ACTR3C: variants seen among roughly 807,000 people sequenced by gnomAD.
The protein encoded by ACTR3C is actin-related protein 3C.
A neutral mutation model predicts 26.3 loss-of-function variants in ACTR3C; 18 were observed. The ratio of observed to expected loss-of-function variants is 0.68; its 90% confidence interval spans 0.47 to 1.01. ACTR3C has a LOEUF of 1.01. Ranked by LOEUF, ACTR3C falls within the 50% of genes least tolerant of loss-of-function variation. The probability of loss-of-function intolerance (pLI) is 0.00; values close to 1 mark genes in which losing one functional copy is unlikely to be tolerated. For missense variants in ACTR3C, 184 were observed against 250.7 expected, an observed-to-expected ratio of 0.73 and a Z score of 1.80; for synonymous variants, 55 against 94.5, an observed-to-expected ratio of 0.58 and a Z score of 2.42.
chr7:150,063,903 G>A, the ACTR3C span, among the ~76,000 whole-genome samples: 6 of 151,980 alleles, frequency 3.9e-5, no homozygotes, highest in Non-Finnish European at 7.4e-5. Flanking sequence ...CTTCCTATAC[G>A]CAGTTGTTTT....
At chr7:150,291,021 C>T (rs1459529240) in intron 3 of ACTR3C, among the ~76,000 whole-genome samples, 1 of 152,076 alleles carries the variant, frequency 6.6e-6, no homozygotes. Flanking sequence ...AATTAATACG[C>T]AAAATATAAC....
At chr7:149,917,981 C>T in the ACTR3C span, among the ~76,000 whole-genome samples, 5 of 152,084 alleles carry the variant, frequency 3.3e-5, no homozygotes, top group East Asian at 1.9e-4. Context: ...TTTAAAGCAA[C>T]GCACAATCTC....
the ACTR3C span, chr7:149,891,545 G>T: frequency 4.4e-6 from 1 of 227,338 alleles, no homozygotes; most frequent in Non-Finnish European, 8.8e-6. Flanking sequence ...ACGGAGGCAG[G>T]CCAGGCACAG....
At chr7:149,979,451 C>A in the ACTR3C span, among the ~76,000 whole-genome samples, 1 of 152,112 alleles carries the variant, frequency 6.6e-6, no homozygotes, top group African/African-American at 2.4e-5. Flanking sequence ...AGGTACTGAG[C>A]ACATCAATAT....
the ACTR3C span, among the ~76,000 whole-genome samples, chr7:149,990,343 A>G: frequency 2.2e-5 from 3 of 133,354 alleles, no homozygotes; most frequent in African/African-American, 8.7e-5. Context: ...TTACCTCCAC[A>G]AGAACACAGC....
chr7:150,299,362 G>A (rs1435106754), intron 1 of ACTR3C, among the ~76,000 whole-genome samples: 2 of 145,266 alleles, frequency 1.4e-5, no homozygotes, highest in Admixed American at 7.1e-5. Flanking sequence ...GAGGCAGGAG[G>A]ATCACTCCAG....
intron 6 of ACTR3C, among the ~76,000 whole-genome samples, chr7:150,263,586 G>A (rs1212997674): frequency 6.6e-6 from 1 of 151,922 alleles, no homozygotes; most frequent in Non-Finnish European, 1.5e-5. Context: ...ACTATGAAAG[G>A]GAATTGTCTA....
chr7:150,156,283 G>A, the ACTR3C span, among the ~76,000 whole-genome samples: 1 of 152,036 alleles, frequency 6.6e-6, no homozygotes, highest in African/African-American at 2.4e-5. Context: ...TAAAGCATAG[G>A]CTGGCCATGT....
At chr7:149,946,039 TG>T in the ACTR3C span, among the ~76,000 whole-genome samples, 1 of 152,036 alleles carries the variant, frequency 6.6e-6, no homozygotes, top group Non-Finnish European at 1.5e-5. Flanking sequence ...GAGTGAATCA[TG>T]GGGGGGAAAG....
chr7:150,284,634 A>G, intron 6 of ACTR3C, 119 bp downstream of exon 6: 1 of 860,568 alleles, frequency 1.2e-6, no homozygotes, highest in Non-Finnish European at 1.6e-6. Context: ...AACAAATCCT[A>G]TGAAACAGAA....
chr7:149,970,420 T>TC, the ACTR3C span, among the ~76,000 whole-genome samples: 1 of 152,110 alleles, frequency 6.6e-6, no homozygotes, highest in East Asian at 1.9e-4. Context: ...GCTCCTGGTC[T>TC]CTCCTTGTTG....
chr7:150,202,534 A>C, the ACTR3C span, among the ~76,000 whole-genome samples: 1 of 152,160 alleles, frequency 6.6e-6, no homozygotes, highest in African/African-American at 2.4e-5. Flanking sequence ...AAACTCATGG[A>C]TTCTTTATAG....
At chr7:149,962,411 T>C in the ACTR3C span, among the ~76,000 whole-genome samples, 1 of 152,156 alleles carries the variant, frequency 6.6e-6, no homozygotes, top group Non-Finnish European at 1.5e-5. Context: ...CTGCACAGAT[T>C]TGACCTTGTG....
At chr7:150,162,330 G>C in the ACTR3C span, among the ~76,000 whole-genome samples, 1 of 83,550 alleles carries the variant, frequency 1.2e-5, no homozygotes, top group Non-Finnish European at 2.2e-5. Context: ...TGGTGCAAAA[G>C]TAATTTTTTT....
the ACTR3C span, among the ~76,000 whole-genome samples, chr7:150,235,028 G>T: frequency 6.6e-6 from 1 of 152,120 alleles, no homozygotes; most frequent in Non-Finnish European, 1.5e-5. Context: ...GACCACATTA[G>T]CACTAGGCTT....
chr7:150,037,462 T>TC, the ACTR3C span, among the ~76,000 whole-genome samples: 7 of 32,530 alleles, frequency 2.2e-4, 1 homozygote, highest in Non-Finnish European at 4.7e-4. Flanking sequence ...GGGGGGTGCC[T>TC]CCCCCCCCTG....
At chr7:150,019,132 A>G in the ACTR3C span, among the ~76,000 whole-genome samples, 1 of 150,272 alleles carries the variant, frequency 6.7e-6, no homozygotes, top group Non-Finnish European at 1.5e-5. Context: ...AAATCAAAAC[A>G]TGAAAGAGAT....
the ACTR3C span, among the ~76,000 whole-genome samples, chr7:150,162,137 C>A: frequency 6.6e-6 from 1 of 152,088 alleles, no homozygotes; most frequent in African/African-American, 2.4e-5. Flanking sequence ...TGCCACATAT[C>A]AATTTTGTTA....
the ACTR3C span, among the ~76,000 whole-genome samples, chr7:149,929,903 A>G: frequency 6.6e-6 from 1 of 152,160 alleles, no homozygotes; most frequent in Middle Eastern, 3.2e-3. Context: ...ACCCTCTCCA[A>G]ATGATCCAAG....
Sources: allele counts gnomAD v4.1 joint callset (sites outside exome capture counted in the v4.1 genomes callset), GRCh38; gene constraint gnomAD v4.1.1; transcripts MANE v1.5; gene names NCBI Gene and HGNC (gene_info 2026-07-23, HGNC 2026-07-21).